The following ANO3 variants were observed in gnomAD, a reference collection of about 807,000 sequenced individuals.
ANO3 encodes anoctamin 3.
In ANO3, 99 loss-of-function variants were observed where a neutral mutation model predicts 144.8. That is an observed-to-expected ratio of 0.68 (90% CI 0.58 to 0.81). The LOEUF (loss-of-function observed/expected upper bound fraction) is 0.81. ANO3 is among the 30% of genes least tolerant of loss of function. The probability of loss-of-function intolerance (pLI) is 0.00; values close to 1 mark genes in which losing one functional copy is unlikely to be tolerated. For missense variants in ANO3, 905 were observed against 1,202.2 expected, an observed-to-expected ratio of 0.75 and a Z score of 3.66; for synonymous variants, 414 against 392.6, an observed-to-expected ratio of 1.05 and a Z score of -0.64.
chr11:26,511,209 T>C (rs1211192734), intron 5 of ANO3, among the ~76,000 whole-genome samples: 1 of 152,206 alleles, frequency 6.6e-6, no homozygotes, highest in Non-Finnish European at 1.5e-5. Context: ...TCCTCCCAAC[T>C]GTGTACCTCT....
intron 18 of ANO3, 110 bp from the exon 19 acceptor site, chr11:26,634,094 A>ATT: frequency 1.9e-6 from 1 of 517,496 alleles, no homozygotes; most frequent in South Asian, 3.6e-5. Flanking sequence ...AAAAAAAAAA[A>ATT]AAAATTAAAT....
intron 13 of ANO3, among the ~76,000 whole-genome samples, chr11:26,553,685 A>G (rs889221412): frequency 1.3e-5 from 2 of 152,172 alleles, no homozygotes; most frequent in African/African-American, 4.8e-5. Context: ...TTATGAAGTT[A>G]AAATACTTCT....
At chr11:26,354,600 T>C (rs764346173) in intron 1 of ANO3, among the ~76,000 whole-genome samples, 4 of 152,206 alleles carry the variant, frequency 2.6e-5, no homozygotes, top group Non-Finnish European at 4.4e-5. Context: ...CCTCTTTAGC[T>C]CTATTTTTTT....
At chr11:26,513,118 C>T (rs867269128) in intron 5 of ANO3, among the ~76,000 whole-genome samples, 2 of 152,108 alleles carry the variant, frequency 1.3e-5, no homozygotes, top group South Asian at 4.2e-4. Flanking sequence ...CAAGAACTAG[C>T]AAGTGATCAA....
At chr11:26,197,536 A>G (rs371416302) in intron 1 of ANO3, among the ~76,000 whole-genome samples, 23 of 152,002 alleles carry the variant, frequency 1.5e-4, no homozygotes, top group African/African-American at 4.6e-4. Context: ...TATTTTTAGT[A>G]GAGACGGGGT....
At chr11:26,496,972 G>GTATATA (rs1278719718) in intron 4 of ANO3, among the ~76,000 whole-genome samples, 1 of 74,006 alleles carries the variant, frequency 1.4e-5, no homozygotes, top group African/African-American at 4.4e-5. Flanking sequence ...AAAATGTTGT[G>GTATATA]TGTATATATA....
chr11:26,254,184 A>G (rs1378071442), intron 1 of ANO3, among the ~76,000 whole-genome samples: 2 of 152,132 alleles, frequency 1.3e-5, no homozygotes, highest in African/African-American at 4.8e-5. Flanking sequence ...CATTTCCTGG[A>G]AAGGTATTAC....
intron 3 of ANO3, among the ~76,000 whole-genome samples, chr11:26,451,913 A>T (rs1323524062): frequency 1.3e-5 from 2 of 152,176 alleles, no homozygotes; most frequent in Non-Finnish European, 2.9e-5. Flanking sequence ...ATCAGACAGC[A>T]GCATTCGCGG....
At chr11:26,436,138 G>T (rs1440021771) in intron 1 of ANO3, among the ~76,000 whole-genome samples, 1 of 152,178 alleles carries the variant, frequency 6.6e-6, no homozygotes, top group African/African-American at 2.4e-5. Flanking sequence ...ACTGGGATCT[G>T]CGTTGAGAAC....
Position 26,241,125 on chromosome 11 carries a change from G to GCT in ANO3, c.154+51808_154+51809dup, listed in dbSNP as rs372997299. On this transcript the variant is annotated intron_variant, in intron 1 of 27. Coordinates refer to the ANO3 transcript ENST00000672621. ...TAAAAATGGGAGTTTCCCTGCACAA[G>GCT]CTCTCTCTCTCTCTTTGCCTGTCAC... Among the ~76,000 whole-genome samples the GCT allele has an allele frequency of 7.8e-3, 1,186 of 151,728 alleles. 15 individuals are homozygous for GCT. The highest frequency in any genetic ancestry group is 0.027 in the African/African-American group (1,113 of 41,406).
chr11:26,598,136 C>A (rs1415248062), intron 14 of ANO3, among the ~76,000 whole-genome samples: 3 of 152,154 alleles, frequency 2.0e-5, no homozygotes, highest in Non-Finnish European at 2.9e-5. Context: ...CAAAAAGTCC[C>A]TGCTTCTTGG....
At chr11:26,564,684 C>CAT (rs1166462594) in intron 14 of ANO3, among the ~76,000 whole-genome samples, 6,893 of 78,510 alleles carry the variant, frequency 0.088, 1,047 homozygotes, top group South Asian at 0.2. Context: ...TATATATACT[C>CAT]ATATATATAC....
At chr11:26,438,611 A>AAAAAAAAAAAAAAAAAAAG (rs1858389741) in intron 1 of ANO3, among the ~76,000 whole-genome samples, 1 of 35,510 alleles carries the variant, frequency 2.8e-5, no homozygotes. Context: ...AAAAAAAAGA[A>AAAAAAAAAAAAAAAAAAAG]AAAAAAAAAA....
intron 1 of ANO3, among the ~76,000 whole-genome samples, chr11:26,303,727 T>C (rs943028279): frequency 6.6e-6 from 1 of 152,162 alleles, no homozygotes; most frequent in Non-Finnish European, 1.5e-5. Flanking sequence ...TGTTATTATT[T>C]TATTTATTTT....
intron 3 of ANO3, among the ~76,000 whole-genome samples, chr11:26,453,787 G>A (rs564842475): frequency 6.6e-6 from 1 of 152,068 alleles, no homozygotes; most frequent in African/African-American, 2.4e-5. Context: ...ATTTTTTTCA[G>A]CACCACACCA....
intron 1 of ANO3, among the ~76,000 whole-genome samples, chr11:26,376,290 A>T (rs1856404050): frequency 6.6e-6 from 1 of 152,162 alleles, no homozygotes; most frequent in South Asian, 2.1e-4. Flanking sequence ...AGTCACCTTA[A>T]CAGACCCAAT....
chr11:26,280,221 A>G (rs1257636361), intron 1 of ANO3, among the ~76,000 whole-genome samples: 1 of 152,218 alleles, frequency 6.6e-6, no homozygotes, highest in Non-Finnish European at 1.5e-5. Flanking sequence ...TTACATCACT[A>G]CAAAGAGTTG....
chr11:26,377,205 A>G (rs1856437459), intron 1 of ANO3, among the ~76,000 whole-genome samples: 1 of 152,200 alleles, frequency 6.6e-6, no homozygotes, highest in Non-Finnish European at 1.5e-5. Flanking sequence ...TTCCACAAAT[A>G]ACAATACACA....
chr11:26,549,919 G>C (rs1849886578), intron 12 of ANO3, among the ~76,000 whole-genome samples: 1 of 151,788 alleles, frequency 6.6e-6, no homozygotes, highest in Non-Finnish European at 1.5e-5. Context: ...GTTTCTTAGA[G>C]GATTTCCAAG....
Sources: gnomAD v4.1 joint callset for allele counts (sites outside exome capture counted in the v4.1 genomes callset) on GRCh38, gnomAD v4.1.1 for gene constraint, MANE v1.5 for transcripts, NCBI Gene and HGNC (gene_info 2026-07-23, HGNC 2026-07-21) for gene names.